Variants in RNF130 observed in about 807,000 individuals in gnomAD.
RNF130 encodes ring finger protein 130.
In RNF130, 21 loss-of-function variants were observed where a neutral mutation model predicts 44.6. That is an observed-to-expected ratio of 0.47 (90% CI 0.33 to 0.68). The LOEUF (loss-of-function observed/expected upper bound fraction) is 0.68, where lower values mean the gene tolerates loss of function less well. Among genes scored for constraint, RNF130 ranks in the 30% least tolerant of loss-of-function variants. The pLI, the probability that RNF130 is intolerant of heterozygous loss-of-function variation, is 0.02. For missense variants in RNF130, 479 were observed against 560.6 expected (o/e 0.85, Z 1.47); for synonymous variants, 214 against 210.4 (o/e 1.02, Z -0.15).
intron 1 of RNF130, among the ~76,000 whole-genome samples, chr5:180,055,248 C>CAAAAAAAAAAAAA (rs1205914690): frequency 3.1e-3 from 65 of 20,756 alleles, no homozygotes; most frequent in African/African-American, 5.1e-3. Context: ...GGTTCTGTCT[C>CAAAAAAAAAAAAA]AAAAAAAAAA....
intron 7 of RNF130, 55 bp downstream of exon 7, chr5:179,966,751 G>C: frequency 2.0e-6 from 3 of 1,520,620 alleles, no homozygotes; most frequent in Non-Finnish European, 2.7e-6. Flanking sequence ...TGATGGTCCC[G>C]AATGCCCACA....
chr5:179,959,509 T>C (rs1033916075), intron 8 of RNF130, among the ~76,000 whole-genome samples: 1 of 151,942 alleles, frequency 6.6e-6, no homozygotes, highest in African/African-American at 2.4e-5. Flanking sequence ...GTGCCTGTAA[T>C]CCCAGCTACT....
At chr5:179,972,425 GGAC>G (rs1322080641) in intron 5 of RNF130, among the ~76,000 whole-genome samples, 2 of 152,190 alleles carry the variant, frequency 1.3e-5, no homozygotes, top group African/African-American at 4.8e-5. Flanking sequence ...TACACAGGGT[GGAC>G]GATGGGACTT....
intron 1 of RNF130, 28 bp downstream of exon 1, chr5:180,071,428 C>T (rs960881124): frequency 1.6e-6 from 2 of 1,232,680 alleles, no homozygotes; most frequent in African/African-American, 3.1e-5. Context: ...CAGCGACCAC[C>T]GCCCGCCGCC....
In RNF130 at chr5:180,037,428, C is replaced by T. The variant is rs960369698; in HGVS notation, c.442+3025G>A. The stretch of plus-strand genomic sequence containing the variant: ...AGATTTAGAGTCACAAGAGGCCTTA[C>T]AGAAGGCCTCTATCCTCCAACCCGC... On this transcript the variant is annotated intron_variant, in intron 2 of 8. Transcript: ENST00000521389. Among the ~76,000 whole-genome samples, 9 of 152,330 alleles carry T rather than the reference C, an allele frequency of 5.9e-5. No homozygotes were observed. In the South Asian group the frequency reaches 1.4e-3, roughly 25 times the overall value.
At chr5:179,920,155 C>T (rs954857347) in exon 8 of RNF130, 2 of 562,124 alleles carry the variant, frequency 3.6e-6, no homozygotes, top group Middle Eastern at 4.5e-4. Context: ...CAAAGCCTCA[C>T]CTTGGGGGAA....
intron 3 of RNF130, among the ~76,000 whole-genome samples, chr5:180,006,453 G>T (rs1763464835): frequency 6.6e-6 from 1 of 152,072 alleles, no homozygotes; most frequent in Admixed American, 6.5e-5. Context: ...GATGAAAATG[G>T]GCAATAAGAG....
intron 3 of RNF130, among the ~76,000 whole-genome samples, chr5:179,993,114 C>A (rs1258180184): frequency 6.6e-6 from 1 of 152,196 alleles, no homozygotes; most frequent in East Asian, 1.9e-4. Context: ...TTTCTTAATC[C>A]AGTCTATCGT....
At chr5:180,060,808 G>A (rs1182156952) in intron 1 of RNF130, among the ~76,000 whole-genome samples, 2 of 152,096 alleles carry the variant, frequency 1.3e-5, no homozygotes, top group Non-Finnish European at 2.9e-5. Context: ...TCGGCCGGGC[G>A]CCTGTAATCC....
At chr5:180,001,244 T>C (rs968744645) in intron 3 of RNF130, among the ~76,000 whole-genome samples, 2 of 152,300 alleles carry the variant, frequency 1.3e-5, no homozygotes, top group South Asian at 2.1e-4. Context: ...CTATTCTTGC[T>C]TTCCCCACAA....
At chr5:179,923,651 TCTGTACCTCACTTCCCTTTC>T (rs1361066039) in intron 7 of RNF130, among the ~76,000 whole-genome samples, 7 of 152,310 alleles carry the variant, frequency 4.6e-5, no homozygotes, top group East Asian at 3.9e-4. Context: ...TCCAGCTGGT[TCTGTACCTCACTTCCCTTTC>T]CTGTACCTCA....
chr5:179,945,221 AC>A (rs1762020151), intron 7 of RNF130, among the ~76,000 whole-genome samples: 1 of 151,728 alleles, frequency 6.6e-6, no homozygotes, highest in South Asian at 2.1e-4. Flanking sequence ...CACACCTGTG[AC>A]CCCTTTCCCT....
chr5:180,035,491 G>A (rs1764228795), intron 2 of RNF130, among the ~76,000 whole-genome samples: 1 of 152,232 alleles, frequency 6.6e-6, no homozygotes, highest in African/African-American at 2.4e-5. Flanking sequence ...TATGTAGAGT[G>A]TGCTACATAT....
At chr5:180,020,476 T>C (rs901233465) in intron 2 of RNF130, among the ~76,000 whole-genome samples, 2 of 152,164 alleles carry the variant, frequency 1.3e-5, no homozygotes, top group Non-Finnish European at 1.5e-5. Context: ...TGCAAATGCT[T>C]GAACCTGAAC....
chr5:180,017,348 T>C (rs969078683), intron 2 of RNF130, among the ~76,000 whole-genome samples: 7 of 152,186 alleles, frequency 4.6e-5, no homozygotes, highest in African/African-American at 1.7e-4. Context: ...TATGACTTGG[T>C]TATTTTGGTA....
intron 7 of RNF130, among the ~76,000 whole-genome samples, chr5:179,926,804 C>A (rs558455245): frequency 6.6e-6 from 1 of 152,160 alleles, no homozygotes; most frequent in African/African-American, 2.4e-5. Flanking sequence ...GGGCATTGGA[C>A]GTGGAGACAG....
At chr5:180,063,711 G>A (rs747361379) in intron 1 of RNF130, among the ~76,000 whole-genome samples, 1 of 152,162 alleles carries the variant, frequency 6.6e-6, no homozygotes, top group Non-Finnish European at 1.5e-5. Context: ...TGCCCATTTG[G>A]TTTTTCTTAA....
At chr5:179,946,590 G>A (rs1161829524) in intron 7 of RNF130, among the ~76,000 whole-genome samples, 1 of 144,980 alleles carries the variant, frequency 6.9e-6, no homozygotes, top group African/African-American at 2.6e-5. Flanking sequence ...GTCTCGCTCT[G>A]TCGCCCAGGC....
chr5:179,951,730 C>T (rs1175573239), downstream of RNF130, among the ~76,000 whole-genome samples: 2 of 152,050 alleles, frequency 1.3e-5, no homozygotes, highest in Admixed American at 1.3e-4. Context: ...CAACCAATAA[C>T]TGAATTTAGA....
Sources: allele counts gnomAD v4.1 joint callset (sites outside exome capture counted in the v4.1 genomes callset), GRCh38; gene constraint gnomAD v4.1.1; transcripts MANE v1.5; gene names NCBI Gene and HGNC (gene_info 2026-07-23, HGNC 2026-07-21).